The following IL16 variants were observed in gnomAD, a reference collection of about 807,000 sequenced individuals.
IL16 encodes the protein interleukin 16, also known as pro-interleukin-16.
A neutral mutation model predicts 110.1 loss-of-function variants in IL16; 67 were observed. That is an observed-to-expected ratio of 0.61 (90% confidence interval 0.50 to 0.75). The LOEUF is 0.75. IL16 is among the 30% of genes least tolerant of loss of function. The probability of loss-of-function intolerance (pLI) is 0.00; values close to 1 mark genes in which losing one functional copy is unlikely to be tolerated. For synonymous variants in IL16, 689 were observed against 662.9 expected, an observed-to-expected ratio of 1.04 and a Z score of -0.61; for missense variants, 1,545 against 1,655.0, an observed-to-expected ratio of 0.93 and a Z score of 1.15.
At chr15:81,304,581 C>G (rs1229555536) in intron 16 of IL16, among the ~76,000 whole-genome samples, 1 of 152,240 alleles carries the variant, frequency 6.6e-6, no homozygotes, top group Non-Finnish European at 1.5e-5. Flanking sequence ...CACGGCCATG[C>G]TGAGCACTCA....
intron 2 of IL16, among the ~76,000 whole-genome samples, chr15:81,228,239 A>C (rs1451086378): frequency 6.6e-6 from 1 of 152,006 alleles, no homozygotes; most frequent in Admixed American, 6.5e-5. Context: ...GGCATGGGGA[A>C]GGAGTGGGCA....
intron 6 of IL16, among the ~76,000 whole-genome samples, chr15:81,275,426 G>A: frequency 6.8e-6 from 1 of 147,342 alleles, no homozygotes; most frequent in Non-Finnish European, 1.5e-5. Flanking sequence ...TAGGGGAATA[G>A]CTAAATCAAG....
chr15:81,285,606 A>G, intron 9 of IL16, 92 bp from the exon 10 acceptor site: 4 of 1,384,704 alleles, frequency 2.9e-6, no homozygotes, highest in Non-Finnish European at 4.0e-6. Context: ...ATCTCATCAA[A>G]CAGCCCAGCC....
upstream of IL16, among the ~76,000 whole-genome samples, chr15:81,196,182 G>C (rs137863683): frequency 9.6e-4 from 146 of 152,352 alleles, no homozygotes; most frequent in African/African-American, 3.4e-3. Context: ...TTTTGGGAAA[G>C]GGTGGCACAG....
At chr15:81,306,270 T>C in intron 17 of IL16, 104 bp downstream of exon 17, 1 of 1,525,626 alleles carries the variant, frequency 6.6e-7, no homozygotes. Flanking sequence ...CCCAAGAATG[T>C]GTGGCTGCCT....
upstream of IL16, among the ~76,000 whole-genome samples, chr15:81,195,025 T>A (rs906192155): frequency 9.9e-5 from 15 of 152,240 alleles, no homozygotes; most frequent in East Asian, 1.9e-3. Flanking sequence ...GGAGACTCTT[T>A]CTGCAGGATG....
chr15:81,282,747 G>T lies in IL16; in HGVS notation c.1190G>T (p.Gly397Val). ...LSPGSVAHLD[G>V]RLRCGDEIVE... ...CCAGGATCCGTGGCGCACCTGGACG[G>T]ACGTCTCCGGTATGTCCTCACTTCT... Residue 397 changes from glycine (G) to valine (V), a missense_variant, in exon 9 of 19, where the codon GGA becomes GTA. Transcript: ENST00000683961. The T allele has an allele frequency of 6.2e-7, 1 of 1,610,044 alleles. No homozygotes were observed. Among genetic ancestry groups the T allele is most frequent in the Admixed American group, 1.7e-5 (1 of 60,026 alleles).
At chr15:81,257,065 A>G (rs1798813262) in intron 2 of IL16, among the ~76,000 whole-genome samples, 2 of 152,334 alleles carry the variant, frequency 1.3e-5, no homozygotes, top group Non-Finnish European at 2.9e-5. Flanking sequence ...CAAGAATTCA[A>G]CTGAACTCAA....
intron 1 of IL16, among the ~76,000 whole-genome samples, chr15:81,221,199 G>A (rs1896603945): frequency 6.6e-6 from 1 of 152,084 alleles, no homozygotes; most frequent in African/African-American, 2.4e-5. Flanking sequence ...GGGAGCTGCA[G>A]AACTTCTCGG....
chr15:81,209,099 A>G (rs1271583635), intron 1 of IL16, among the ~76,000 whole-genome samples: 1 of 152,158 alleles, frequency 6.6e-6, no homozygotes, highest in African/African-American at 2.4e-5. Context: ...AATGAATTCA[A>G]TCACATTTAT....
chr15:81,306,628 G>A, intron 18 of IL16, 83 bp downstream of exon 18: 4 of 1,544,478 alleles, frequency 2.6e-6, no homozygotes, highest in Non-Finnish European at 2.7e-6. Context: ...GGCACTTTCT[G>A]GGCTATGTTG....
intron 1 of IL16, among the ~76,000 whole-genome samples, chr15:81,201,413 A>G (rs1364979270): frequency 1.3e-5 from 2 of 152,070 alleles, no homozygotes; most frequent in African/African-American, 2.4e-5. Flanking sequence ...ATTTCTTTGA[A>G]TCTCCTCTCA....
chr15:81,226,860 A>C (rs959719728), intron 2 of IL16, among the ~76,000 whole-genome samples: 2 of 152,226 alleles, frequency 1.3e-5, no homozygotes, highest in African/African-American at 4.8e-5. Context: ...ACTGAGAGTC[A>C]AATTTATTAG....
chr15:81,260,409 A>G (rs4589514), intron 3 of IL16, among the ~76,000 whole-genome samples: 15,635 of 152,234 alleles, frequency 0.1, 1,173 homozygotes, highest in South Asian at 0.31. Context: ...ACACGCATTT[A>G]TTTATATATA....
At chr15:81,204,146 A>T (rs1364658059) in intron 1 of IL16, among the ~76,000 whole-genome samples, 2 of 152,016 alleles carry the variant, frequency 1.3e-5, no homozygotes, top group African/African-American at 2.4e-5. Flanking sequence ...TGTATAAGAA[A>T]GCTTGTGATT....
chr15:81,313,162 C>T lies in IL16; in HGVS notation c.*4364C>T, dbSNP rs570435592. 1.4e-6 allele frequency: 2 copies of T among 1,387,158 alleles called. No homozygotes were observed. The highest frequency in any genetic ancestry group is 1.5e-5 in the African/African-American group (1 of 67,082). The allele number at this position is 1,387,158 out of a possible 1,614,324, so 85.9% of individuals were successfully genotyped here. ...ATCAGCTTGTTCCAAAGAGTGAACA[C>T]AGGCCTCTGCGTGCTCCCAGGCTCC... On this transcript the variant is annotated 3_prime_UTR_variant, in exon 19 of 19. Coordinates refer to ENST00000683961, the MANE Select transcript of IL16 (RefSeq NM_172217.5).
At chr15:81,211,148 A>G (rs555688269) in intron 1 of IL16, among the ~76,000 whole-genome samples, 9 of 148,484 alleles carry the variant, frequency 6.1e-5, no homozygotes, top group Non-Finnish European at 1.3e-4. Flanking sequence ...CAGCCTCAAC[A>G]TTCTGGGCCT....
chr15:81,248,405 A>C (rs1418213854), intron 2 of IL16, among the ~76,000 whole-genome samples: 2 of 151,568 alleles, frequency 1.3e-5, no homozygotes, highest in Non-Finnish European at 2.9e-5. Context: ...TATATTTCTT[A>C]AATGGTTTAT....
intron 4 of IL16, among the ~76,000 whole-genome samples, chr15:81,268,140 G>A (rs1224915077): frequency 6.6e-6 from 1 of 152,226 alleles, no homozygotes; most frequent in Non-Finnish European, 1.5e-5. Flanking sequence ...GGAAGGCCAG[G>A]GAGTGGCTTA....
Sources: allele counts gnomAD v4.1 joint callset (sites outside exome capture counted in the v4.1 genomes callset), GRCh38; gene constraint gnomAD v4.1.1; transcripts MANE v1.5; gene names NCBI Gene and HGNC (gene_info 2026-07-23, HGNC 2026-07-21).